Variants in CFAP61 observed in about 807,000 individuals in gnomAD.
CFAP61 encodes the protein cilia- and flagella-associated protein 61.
In CFAP61, 107 loss-of-function variants were observed where a neutral mutation model predicts 135.6. The ratio of observed to expected loss-of-function variants is 0.79; its 90% CI spans 0.67 to 0.93. The LOEUF (loss-of-function observed/expected upper bound fraction) is 0.93, where lower values mean the gene tolerates loss of function less well. Ranked by LOEUF, CFAP61 falls within the 40% of genes least tolerant of loss-of-function variation. The probability of loss-of-function intolerance (pLI) is 0.00; values close to 1 mark genes in which losing one functional copy is unlikely to be tolerated. For synonymous variants in CFAP61, 575 were observed against 578.5 expected (o/e 0.99, Z 0.09); for missense variants, 1,507 against 1,556.2 (o/e 0.97, Z 0.53).
intron 22 of CFAP61, among the ~76,000 whole-genome samples, chr20:20,285,618 A>C (rs1410262): frequency 0.78 from 118,734 of 151,510 alleles, 46,822 homozygotes; most frequent in Middle Eastern, 0.87. Flanking sequence ...ACCCTTTTAT[A>C]AAAAACCTCT....
intron 22 of CFAP61, among the ~76,000 whole-genome samples, chr20:20,280,086 C>G (rs763465845): frequency 6.6e-6 from 1 of 152,132 alleles, no homozygotes; most frequent in East Asian, 1.9e-4. Flanking sequence ...TGAACATGAC[C>G]TTATTTGGAA....
intron 15 of CFAP61, among the ~76,000 whole-genome samples, chr20:20,194,143 TCTC>T (rs763384863): frequency 1.2e-4 from 19 of 152,214 alleles, no homozygotes; most frequent in Non-Finnish European, 2.5e-4. Flanking sequence ...AATTATTTCT[TCTC>T]CTCCATTTTC....
At chr20:20,089,409 T>C (rs2047023207) in intron 6 of CFAP61, among the ~76,000 whole-genome samples, 1 of 151,254 alleles carries the variant, frequency 6.6e-6, no homozygotes, top group East Asian at 1.9e-4. Flanking sequence ...TATATACTGA[T>C]CACTCAGTAG....
At chr20:20,356,216 GT>G (rs2059151510) in intron 26 of CFAP61, among the ~76,000 whole-genome samples, 1 of 139,416 alleles carries the variant, frequency 7.2e-6, no homozygotes, top group African/African-American at 2.7e-5. Flanking sequence ...CATACTGTGA[GT>G]GAGGAGCTAG....
intron 20 of CFAP61, among the ~76,000 whole-genome samples, chr20:20,262,746 T>A (rs2052349671): frequency 6.6e-6 from 1 of 151,896 alleles, no homozygotes; most frequent in Non-Finnish European, 1.5e-5. Flanking sequence ...CAGCATTACA[T>A]AACTAGAGCA....
At chr20:20,324,728 T>C (rs1307431798) in intron 25 of CFAP61, among the ~76,000 whole-genome samples, 2 of 152,210 alleles carry the variant, frequency 1.3e-5, no homozygotes, top group Non-Finnish European at 2.9e-5. Context: ...TCATGAACAC[T>C]GGATATATTC....
intron 8 of CFAP61, among the ~76,000 whole-genome samples, chr20:20,133,686 G>C (rs2050709921): frequency 6.6e-6 from 1 of 152,190 alleles, no homozygotes; most frequent in Non-Finnish European, 1.5e-5. Context: ...ACAAACTTCA[G>C]CTTAAGATTG....
At chr20:20,190,434 A>T (rs897843304) in intron 14 of CFAP61, among the ~76,000 whole-genome samples, 3 of 152,208 alleles carry the variant, frequency 2.0e-5, no homozygotes, top group Non-Finnish European at 4.4e-5. Flanking sequence ...AGAACAGGTT[A>T]TCTGATGCCA....
intron 17 of CFAP61, among the ~76,000 whole-genome samples, chr20:20,201,291 C>T (rs1278930398): frequency 1.3e-5 from 2 of 152,208 alleles, no homozygotes; most frequent in Non-Finnish European, 2.9e-5. Context: ...TGTTCCAGAA[C>T]ACAGATTGAG....
intron 25 of CFAP61, among the ~76,000 whole-genome samples, chr20:20,323,578 G>A (rs527614927): frequency 2.6e-5 from 4 of 152,330 alleles, no homozygotes; most frequent in African/African-American, 7.2e-5. Flanking sequence ...CGAATGGAAT[G>A]CACAGAGCCA....
At chr20:20,080,835 C>A (rs2046381816) in intron 6 of CFAP61, among the ~76,000 whole-genome samples, 1 of 152,044 alleles carries the variant, frequency 6.6e-6, no homozygotes, top group Admixed American at 6.6e-5. Context: ...AACCCCGTCT[C>A]TTCTAAAAAT....
chr20:20,227,540 C>T (rs997967919), intron 17 of CFAP61, among the ~76,000 whole-genome samples: 1 of 152,224 alleles, frequency 6.6e-6, no homozygotes, highest in African/African-American at 2.4e-5. Context: ...CCCCTTGCAG[C>T]TTCTGCAGGG....
intron 2 of CFAP61, among the ~76,000 whole-genome samples, chr20:20,066,595 C>G (rs2045287453): frequency 6.6e-6 from 1 of 151,768 alleles, no homozygotes; most frequent in Non-Finnish European, 1.5e-5. Flanking sequence ...CCAAACACCA[C>G]ATGTTCTCAC....
intron 26 of CFAP61, among the ~76,000 whole-genome samples, chr20:20,356,019 A>T (rs373437241): frequency 8.2e-6 from 1 of 122,522 alleles, no homozygotes; most frequent in African/African-American, 3.2e-5. Context: ...TCACACTGTG[A>T]GAGGGGAGGT....
At chr20:20,356,011 AC>A (rs2059126245) in intron 26 of CFAP61, among the ~76,000 whole-genome samples, 1 of 142,442 alleles carries the variant, frequency 7.0e-6, no homozygotes, top group Admixed American at 7.1e-5. Context: ...GGAGGTGGTC[AC>A]ACTGTGAGAG....
chr20:20,164,993 C>A (rs1254984044), intron 11 of CFAP61, among the ~76,000 whole-genome samples: 2 of 152,128 alleles, frequency 1.3e-5, no homozygotes, highest in East Asian at 3.9e-4. Context: ...ATGGGGGAAC[C>A]ACCCCCATGA....
chr20:20,237,583 C>G (rs1198217861), intron 18 of CFAP61, among the ~76,000 whole-genome samples: 2 of 152,130 alleles, frequency 1.3e-5, no homozygotes, highest in Non-Finnish European at 2.9e-5. Flanking sequence ...GTGTCATGAC[C>G]AACAACTTTG....
rs149066205 is a variant in CFAP61 at position 20,156,809 on chromosome 20, T to C, written c.952-2561T>C. On this transcript the variant is annotated intron_variant, in intron 9 of 26. Transcript: ENST00000245957. The stretch of plus-strand genomic sequence containing the variant: ...TCTGACGAAAGATATTCAAGACTTC[T>C]ATGGTGAAAACTACAAAACATTTCT... Among the ~76,000 whole-genome samples, 109 of 152,340 alleles carry C rather than the reference T, an allele frequency of 7.2e-4. 1 individual carries two copies. Among genetic ancestry groups the C allele is most frequent in the African/African-American group, 2.5e-3 (103 of 41,586 alleles).
At chr20:20,128,037 T>C (rs371068553) in intron 8 of CFAP61, among the ~76,000 whole-genome samples, 5 of 151,852 alleles carry the variant, frequency 3.3e-5, no homozygotes, top group Admixed American at 6.5e-5. Flanking sequence ...TCATTCCCAC[T>C]GTGCCCCACC....
Sources: gnomAD v4.1 joint callset for allele counts (sites outside exome capture counted in the v4.1 genomes callset) on GRCh38, gnomAD v4.1.1 for gene constraint, MANE v1.5 for transcripts, NCBI Gene and HGNC (gene_info 2026-07-23, HGNC 2026-07-21) for gene names.